The following SEMA3C variants were observed in gnomAD, a reference collection of about 807,000 sequenced individuals.
SEMA3C encodes semaphorin-3C.
A neutral mutation model predicts 89.4 loss-of-function variants in SEMA3C; 47 were observed. That is an observed-to-expected ratio of 0.53 (90% CI 0.42 to 0.67). SEMA3C has a LOEUF of 0.67. Among genes scored for constraint, SEMA3C ranks in the 30% least tolerant of loss-of-function variants. The probability of loss-of-function intolerance (pLI) is 0.00; values close to 1 mark genes in which losing one functional copy is unlikely to be tolerated. For missense variants in SEMA3C, 839 were observed against 929.1 expected (o/e 0.90, Z 1.26); for synonymous variants, 310 against 320.2 (o/e 0.97, Z 0.34).
At chr7:80,791,991 C>T (rs1253323657) in intron 11 of SEMA3C, among the ~76,000 whole-genome samples, 1 of 152,100 alleles carries the variant, frequency 6.6e-6, no homozygotes, top group Non-Finnish European at 1.5e-5. Flanking sequence ...AAATATAGTT[C>T]CCTTTTTGTA....
intron 2 of SEMA3C, among the ~76,000 whole-genome samples, chr7:80,909,535 T>C (rs553030586): frequency 6.6e-6 from 1 of 152,218 alleles, no homozygotes; most frequent in Non-Finnish European, 1.5e-5. Context: ...GAATCTTAAA[T>C]GCTAGCAAGC....
chr7:80,804,355 A>AG (rs1205978521), intron 7 of SEMA3C, 107 bp from the exon 8 acceptor site: 3 of 665,376 alleles, frequency 4.5e-6, no homozygotes, highest in African/African-American at 3.8e-5. Context: ...GTAGAAAAAA[A>AG]CAATTCAACA....
At chr7:80,750,917 TA>T (rs1023706030) in intron 16 of SEMA3C, among the ~76,000 whole-genome samples, 1 of 152,188 alleles carries the variant, frequency 6.6e-6, no homozygotes, top group South Asian at 2.1e-4. Flanking sequence ...TTTACTGCAG[TA>T]AAAAAATGCT....
chr7:80,757,476 G>A (rs1788090713), intron 15 of SEMA3C, among the ~76,000 whole-genome samples: 1 of 152,098 alleles, frequency 6.6e-6, no homozygotes, highest in South Asian at 2.1e-4. Context: ...CAGTAATCAT[G>A]CACTCACCAC....
chr7:80,788,688 C>T lies in SEMA3C; in HGVS notation c.1354+618G>A, dbSNP rs531322825. On this transcript the variant is annotated intron_variant, in intron 12 of 17. Transcript: ENST00000265361. ...AATTTGTAGATGTATTAAAAGAGTG[C>T]CATCAATATTTTCAAAAAACCTGTC... 3.4e-4 allele frequency among the ~76,000 whole-genome samples: 52 copies of T among 152,194 alleles called. 1 individual carries two copies. Among genetic ancestry groups the T allele is most frequent in the African/African-American group, 1.1e-3 (47 of 41,530 alleles).
chr7:80,912,825 CAA>C (rs529060635), intron 2 of SEMA3C, among the ~76,000 whole-genome samples: 1 of 152,138 alleles, frequency 6.6e-6, no homozygotes, highest in African/African-American at 2.4e-5. Flanking sequence ...GCAACCACAA[CAA>C]AAACTATTTC....
intron 4 of SEMA3C, 91 bp downstream of exon 4, chr7:80,827,334 T>C: frequency 7.6e-7 from 1 of 1,311,952 alleles, no homozygotes; most frequent in Non-Finnish European, 1.0e-6. Context: ...ACCATCCTTG[T>C]CTCATTTTTG....
intron 12 of SEMA3C, among the ~76,000 whole-genome samples, chr7:80,767,319 AG>A (rs1455902165): frequency 6.6e-6 from 1 of 152,242 alleles, no homozygotes; most frequent in Non-Finnish European, 1.5e-5. Flanking sequence ...GATCCAAATA[AG>A]CTGAATCAAA....
intron 17 of SEMA3C, among the ~76,000 whole-genome samples, chr7:80,746,717 G>GT (rs1787807616): frequency 8.3e-5 from 10 of 120,118 alleles, no homozygotes; most frequent in Non-Finnish European, 1.6e-4. Context: ...TATTGAAGTG[G>GT]GGTGTGTGTG....
In SEMA3C at chr7:80,798,110, T is replaced by C. The variant is rs141693255; in HGVS notation, c.1113A>G (p.Pro371=). The C allele has an allele frequency of 4.8e-4, 775 of 1,602,852 alleles. 6 individuals are homozygous for C. The African/African-American group carries it at 8.5e-3, about 18-fold the overall frequency. The change falls in exon 11 of 18, where the codon CCA becomes CCG. Residue 371 remains proline, a synonymous_variant. Coordinates refer to ENST00000265361, the MANE Select transcript of SEMA3C (RefSeq NM_006379.5). ...HQLISYQGRI[P]YPRPGTCPGG... ...TACTTACAGTTCCAGGGCGAGGATA[T>C]GGAATTCTGCCCTGATAGGAAATCA...
chr7:80,854,152 G>T (rs111389321), intron 2 of SEMA3C, among the ~76,000 whole-genome samples: 3 of 152,210 alleles, frequency 2.0e-5, no homozygotes, highest in African/African-American at 7.2e-5. Context: ...TTTAGGTAAG[G>T]TTATTGATAA....
intron 3 of SEMA3C, among the ~76,000 whole-genome samples, chr7:80,828,071 A>G (rs1046236389): frequency 1.3e-5 from 2 of 152,160 alleles, no homozygotes; most frequent in Non-Finnish European, 2.9e-5. Flanking sequence ...GCCTGTGTTA[A>G]CACTTCTGCA....
intron 14 of SEMA3C, among the ~76,000 whole-genome samples, chr7:80,760,905 A>G (rs1217385490): frequency 7.9e-5 from 12 of 152,154 alleles, no homozygotes; most frequent in Admixed American, 2.6e-4. Context: ...TTCTCACTAT[A>G]TTACTCTGTA....
intron 2 of SEMA3C, among the ~76,000 whole-genome samples, chr7:80,829,972 T>C (rs949468206): frequency 6.6e-6 from 1 of 152,206 alleles, no homozygotes; most frequent in Non-Finnish European, 1.5e-5. Flanking sequence ...AAAATTCTGA[T>C]AGAGCTGTAG....
At position 80,755,243 on chromosome 7, in the gene SEMA3C, T is replaced by G. The variant is rs1262388284; in HGVS notation, c.1643+3088A>C. On this transcript the variant is annotated intron_variant, in intron 15 of 17. Coordinates refer to ENST00000265361, the MANE Select transcript of SEMA3C (RefSeq NM_006379.5). Reference sequence around the variant, plus strand: ...AAAAAGTATGATTAAAATTATAATTTGTGGTGGTAGAATGACAATGTATAT... The same window carrying G: ...AAAAAGTATGATTAAAATTATAATTGGTGGTGGTAGAATGACAATGTATAT... Among the ~76,000 whole-genome samples the G allele has an allele frequency of 3.0e-4, 46 of 151,846 alleles. 1 individual carries two copies. The highest frequency in any genetic ancestry group is 4.4e-5 in the Non-Finnish European group (3 of 67,980).
At chr7:80,893,159 T>C (rs944058241) in intron 2 of SEMA3C, among the ~76,000 whole-genome samples, 7 of 152,188 alleles carry the variant, frequency 4.6e-5, no homozygotes, top group African/African-American at 1.7e-4. Flanking sequence ...TTTCCTTATC[T>C]AGCCCTCCTT....
chr7:80,920,772 A>G (rs1043330992), upstream of SEMA3C, among the ~76,000 whole-genome samples: 6 of 152,222 alleles, frequency 3.9e-5, no homozygotes, highest in East Asian at 7.7e-4. Flanking sequence ...AAAACTGACA[A>G]TATTAAAATC....
At chr7:80,821,346 A>G (rs1486617839) in intron 4 of SEMA3C, among the ~76,000 whole-genome samples, 2 of 152,238 alleles carry the variant, frequency 1.3e-5, no homozygotes, top group African/African-American at 4.8e-5. Flanking sequence ...TTACAAACAC[A>G]TACGTCTCTA....
Position 80,784,058 on chromosome 7 carries a change from A to G in SEMA3C, c.1354+5248T>C, listed in dbSNP as rs571459951. Among the ~76,000 whole-genome samples the G allele has an allele frequency of 6.6e-4, 100 of 152,298 alleles. 3 individuals are homozygous for G. In the South Asian group the frequency reaches 0.02, roughly 31 times the overall value. ...GATTCATGTATAATGCTAAAAATAT[A>G]AATTTTACAGAATGTCTCTGAACCT... is the stretch of plus-strand genomic sequence containing the variant. On this transcript the variant is annotated intron_variant, in intron 12 of 17. Coordinates refer to ENST00000265361, the MANE Select transcript of SEMA3C (RefSeq NM_006379.5).
Sources: gnomAD v4.1 joint callset for allele counts (sites outside exome capture counted in the v4.1 genomes callset) on GRCh38, gnomAD v4.1.1 for gene constraint, MANE v1.5 for transcripts, NCBI Gene and HGNC (gene_info 2026-07-23, HGNC 2026-07-21) for gene names.